The following PCDHGB4 variants were observed in gnomAD, a reference collection of about 807,000 sequenced individuals.
The protein encoded by PCDHGB4 is protocadherin gamma subfamily B, 4, also known as protocadherin gamma-B4.
PCDHGB4 carries 38 observed loss-of-function variants against 60.5 expected under a neutral mutation model. That is an observed-to-expected ratio of 0.63 (90% CI 0.48 to 0.82). PCDHGB4 has a LOEUF of 0.82. PCDHGB4 is among the 40% of genes least tolerant of loss of function. The probability of loss-of-function intolerance (pLI) is 0.00; values close to 1 mark genes in which losing one functional copy is unlikely to be tolerated. For missense variants in PCDHGB4, 1,109 were observed against 1,209.6 expected (o/e 0.92, Z 1.23); for synonymous variants, 456 against 509.7 (o/e 0.89, Z 1.42).
intron 1 of PCDHGB4, chr5:141,391,637 G>T (rs2092401462): frequency 1.3e-5 from 2 of 152,192 alleles, no homozygotes; most frequent in Admixed American, 6.5e-5. Flanking sequence ...TTTAGTCAGT[G>T]AAAAAACTAT....
chr5:141,398,345 C>T (rs1442407908), intron 1 of PCDHGB4: 29 of 1,379,896 alleles, frequency 2.1e-5, no homozygotes, highest in Non-Finnish European at 2.8e-5. Context: ...TCGGAGAAGC[C>T]TTACTTCACC....
In PCDHGB4 at chr5:141,476,258, G is replaced by A. The variant is rs1247889010; in HGVS notation, c.2398-18549G>A. 1 of 1,614,018 alleles carries A rather than the reference G, an allele frequency of 6.2e-7. No individual in the cohort carries two copies. Among genetic ancestry groups the A allele is most frequent in the South Asian group, 1.1e-5 (1 of 91,066 alleles). Reference sequence around the variant, plus strand: ...GGAAAGAGAGAAGGGTTTCGCTGTGGGCAACGTGGTCGCGAACCTTGGTTT... The same window carrying A: ...GGAAAGAGAGAAGGGTTTCGCTGTGAGCAACGTGGTCGCGAACCTTGGTTT... On this transcript the variant is annotated intron_variant, in intron 1 of 3. Coordinates refer to ENST00000519479, the MANE Select transcript of PCDHGB4 (RefSeq NM_003736.4). This position sits in a 1 kb window ranked among gnomAD's most constrained non-coding sequence, Gnocchi z 7.6.
At chr5:141,399,808 C>A in intron 1 of PCDHGB4, 1 of 1,613,208 alleles carries the variant, frequency 6.2e-7, no homozygotes, top group Non-Finnish European at 8.5e-7. Flanking sequence ...GGTGCTGTAC[C>A]CCGCGCTGGG....
intron 2 of PCDHGB4, among the ~76,000 whole-genome samples, chr5:141,496,582 G>A (rs991035985): frequency 1.9e-4 from 29 of 152,100 alleles, no homozygotes; most frequent in Non-Finnish European, 3.5e-4. Flanking sequence ...TTTTAGGAAC[G>A]CAAAGCGCTT....
intron 1 of PCDHGB4, among the ~76,000 whole-genome samples, chr5:141,483,613 C>A (rs2099583607): frequency 6.6e-6 from 1 of 151,914 alleles, no homozygotes; most frequent in South Asian, 2.1e-4. Context: ...ACACCTCCAT[C>A]ATTCCCATGG....
chr5:141,437,252 CTT>C (rs1030396727), intron 1 of PCDHGB4, among the ~76,000 whole-genome samples: 3 of 152,268 alleles, frequency 2.0e-5, no homozygotes, highest in Admixed American at 6.5e-5. Context: ...CTTTCCTTGT[CTT>C]TTTATGTGTA....
chr5:141,450,006 C>CTATTTTTTT (rs70988802), intron 1 of PCDHGB4, among the ~76,000 whole-genome samples: 8 of 132,970 alleles, frequency 6.0e-5, no homozygotes, highest in African/African-American at 8.4e-5. Context: ...TGCCATGTCT[C>CTATTTTTTT]TTTTTTTTTT....
At chr5:141,409,075 G>A (rs1416534881) in intron 1 of PCDHGB4, 2 of 1,613,904 alleles carry the variant, frequency 1.2e-6, no homozygotes, top group East Asian at 2.2e-5. Flanking sequence ...CAAAACATAT[G>A]TTCTCATTGG....
chr5:141,436,287 T>A (rs565612572), intron 1 of PCDHGB4, among the ~76,000 whole-genome samples: 1 of 152,262 alleles, frequency 6.6e-6, no homozygotes, highest in Admixed American at 6.5e-5. Context: ...TAGGAACAAA[T>A]CATTGAGAGT....
Position 141,477,741 on chromosome 5 carries a change from G to A in PCDHGB4, c.2398-17066G>A, listed in dbSNP as rs1438249932. On this transcript the variant is annotated intron_variant, in intron 1 of 3. Transcript: ENST00000519479. The surrounding 1 kb of genome is among the most constrained non-coding windows in gnomAD (Gnocchi z 4.9). ...GAATTAACAGCTCATATCAGCGATG[G>A]GGGCACCCCGGTCCTAGCCACCAAC... is the stretch of plus-strand genomic sequence containing the variant. 4 of 1,613,802 alleles carry A rather than the reference G, an allele frequency of 2.5e-6. No individual in the cohort carries two copies. The highest frequency in any genetic ancestry group is 1.7e-5 in the Admixed American group (1 of 60,026).
intron 1 of PCDHGB4, chr5:141,427,796 C>A: frequency 6.7e-7 from 1 of 1,502,108 alleles, no homozygotes; most frequent in Non-Finnish European, 9.2e-7. Flanking sequence ...CCTACGTGTC[C>A]GTGAGCGCAC....
Position 141,389,939 on chromosome 5 carries a change from G to A in PCDHGB4, c.2055G>A (p.Glu685=). The A allele has an allele frequency of 6.2e-7, 1 of 1,614,082 alleles. No homozygotes were observed. Among genetic ancestry groups the A allele is most frequent in the Non-Finnish European group, 8.5e-7 (1 of 1,179,900 alleles). Residue 685 remains glutamate, a synonymous_variant, in exon 1 of 4, where the codon GAG becomes GAA. Coordinates refer to ENST00000519479, the MANE Select transcript of PCDHGB4 (RefSeq NM_003736.4). ...DRPDPSDLQA[E]LQFYLVVALA... is the part of the protein sequence containing the mutation. ...CCGACCCCTCTGACCTCCAGGCTGA[G>A]CTGCAGTTTTACCTAGTGGTGGCCT...
intron 2 of PCDHGB4, among the ~76,000 whole-genome samples, chr5:141,499,256 A>G (rs371266271): frequency 6.6e-6 from 1 of 151,968 alleles, no homozygotes; most frequent in Non-Finnish European, 1.5e-5. Context: ...AAGAGTCTCC[A>G]TTTGGTCCCT....
At chr5:141,426,010 C>T (rs2096909211) in intron 1 of PCDHGB4, among the ~76,000 whole-genome samples, 1 of 152,178 alleles carries the variant, frequency 6.6e-6, no homozygotes, top group Non-Finnish European at 1.5e-5. Flanking sequence ...CTTCCGGCTG[C>T]AGTTTTCTAA....
chr5:141,405,016 C>G (rs538744733), intron 1 of PCDHGB4: 1 of 1,613,888 alleles, frequency 6.2e-7, no homozygotes. Flanking sequence ...AGGCCTCAGA[C>G]CTTACCCTCT....
In PCDHGB4 at chr5:141,408,945, G is replaced by A. The variant is rs1176579339; in HGVS notation, c.2397+18664G>A. 21 of 1,613,590 alleles carry A rather than the reference G, an allele frequency of 1.3e-5. No individual in the cohort carries two copies. In the East Asian group the frequency reaches 4.7e-4, roughly 36 times the overall value. Reference sequence around the variant, plus strand: ...CCGGTTTTCAGCAGAGACGAATATAGAATTAGTCTTAGTGAAAATCTGCCC... The same window carrying A: ...CCGGTTTTCAGCAGAGACGAATATAAAATTAGTCTTAGTGAAAATCTGCCC... On this transcript the variant is annotated intron_variant, in intron 1 of 3. Coordinates refer to ENST00000519479, the MANE Select transcript of PCDHGB4 (RefSeq NM_003736.4).
In PCDHGB4 at chr5:141,431,370, A is replaced by G; in HGVS notation, c.2397+41089A>G. ...CTGAAACGCGCCCTGGACCGCGAAG[A>G]AAAGGCTGCTCACCACCTGGTCCTT... is the stretch of plus-strand genomic sequence containing the variant. On this transcript the variant is annotated intron_variant, in intron 1 of 3. Coordinates refer to ENST00000519479, the MANE Select transcript of PCDHGB4 (RefSeq NM_003736.4). The surrounding 1 kb of genome is among the most constrained non-coding windows in gnomAD (Gnocchi z 4.8). 1 of 1,613,946 alleles carries G rather than the reference A, an allele frequency of 6.2e-7. No homozygotes were observed. The highest frequency in any genetic ancestry group is 8.5e-7 in the Non-Finnish European group (1 of 1,180,014).
intron 3 of PCDHGB4, 111 bp from the exon 4 acceptor site, chr5:141,510,836 G>C: frequency 6.3e-7 from 1 of 1,584,882 alleles, no homozygotes; most frequent in African/African-American, 1.3e-5. Flanking sequence ...TGCTCAGCGT[G>C]GTCAAGGCCC....
intron 3 of PCDHGB4, among the ~76,000 whole-genome samples, chr5:141,506,444 C>T (rs542906499): frequency 2.1e-5 from 2 of 95,022 alleles, no homozygotes; most frequent in South Asian, 3.6e-4. Flanking sequence ...CGCTCTGTCT[C>T]AAAAAAAAAA....
Sources: allele counts gnomAD v4.1 joint callset (sites outside exome capture counted in the v4.1 genomes callset), GRCh38; gene constraint gnomAD v4.1.1; non-coding constraint Gnocchi (gnomAD v3.1); transcripts MANE v1.5; gene names NCBI Gene and HGNC (gene_info 2026-07-23, HGNC 2026-07-21).